The following ATP8B1 variants were observed in gnomAD, a reference collection of about 807,000 sequenced individuals.
The protein encoded by ATP8B1 is ATPase phospholipid transporting 8B1, also known as phospholipid-transporting ATPase IC.
In ATP8B1, 80 loss-of-function variants were observed where a neutral mutation model predicts 149.9. The ratio of observed to expected loss-of-function variants is 0.53; its 90% CI spans 0.45 to 0.64. ATP8B1 has a LOEUF of 0.64. ATP8B1 is among the 30% of genes least tolerant of loss of function. The pLI, the probability that ATP8B1 is intolerant of heterozygous loss-of-function variation, is 0.00. For synonymous variants in ATP8B1, 536 were observed against 562.8 expected, an observed-to-expected ratio of 0.95 and a Z score of 0.67; for missense variants, 1,247 against 1,552.6, an observed-to-expected ratio of 0.80 and a Z score of 3.31.
intron 1 of ATP8B1, among the ~76,000 whole-genome samples, chr18:57,789,920 T>A (rs2080445636): frequency 6.6e-6 from 1 of 152,158 alleles, no homozygotes; most frequent in Non-Finnish European, 1.5e-5. Context: ...AATCCTATGT[T>A]GCAATTCCCA....
chr18:57,668,337 T>C (rs1911010952), intron 19 of ATP8B1, 92 bp downstream of exon 19: 1 of 1,367,534 alleles, frequency 7.3e-7, no homozygotes, highest in African/African-American at 1.4e-5. Flanking sequence ...TTGTACAGGA[T>C]GAAAAGTCTG....
chr18:57,788,192 A>T (rs1339057967), intron 1 of ATP8B1, among the ~76,000 whole-genome samples: 1 of 152,222 alleles, frequency 6.6e-6, no homozygotes, highest in Non-Finnish European at 1.5e-5. Flanking sequence ...ATGAGATCAC[A>T]GAGAGGCATG....
intron 1 of ATP8B1, among the ~76,000 whole-genome samples, chr18:57,752,371 G>A (rs1413261082): frequency 6.6e-6 from 1 of 152,002 alleles, no homozygotes; most frequent in Admixed American, 6.6e-5. Context: ...CAGCTCTAAG[G>A]CCTGCTACCT....
chr18:57,713,188 TTTCTTTCTTTCCTTCC>T (rs1478217822), intron 2 of ATP8B1, among the ~76,000 whole-genome samples: 2,233 of 103,316 alleles, frequency 0.022, 39 homozygotes, highest in Non-Finnish European at 0.03. Context: ...TCTTTCTTTC[TTTCTTTCTTTCCTTCC>T]TTCCTTCCTT....
chr18:57,749,587 G>A (rs536664109), intron 1 of ATP8B1, among the ~76,000 whole-genome samples: 2 of 152,232 alleles, frequency 1.3e-5, no homozygotes, highest in African/African-American at 2.4e-5. Context: ...CCTGATTTAG[G>A]TGAAGACACC....
chr18:57,756,932 A>T (rs1314039180), intron 1 of ATP8B1, among the ~76,000 whole-genome samples: 1 of 152,130 alleles, frequency 6.6e-6, no homozygotes, highest in Non-Finnish European at 1.5e-5. Context: ...CACTTTTAAG[A>T]CATCGCAAAT....
Position 57,784,676 on chromosome 18 carries a change from G to T in ATP8B1, c.-26+18322C>A, listed in dbSNP as rs930742941. 6.8e-6 allele frequency among the ~76,000 whole-genome samples: 1 copy of T among 146,810 alleles called. No homozygotes were observed. Among genetic ancestry groups the T allele is most frequent in the African/African-American group, 2.7e-5 (1 of 36,364 alleles). On this transcript the variant is annotated intron_variant, in intron 1 of 27. Coordinates refer to ENST00000648908, the MANE Select transcript of ATP8B1 (RefSeq NM_001374385.1). This position sits in a 1 kb window ranked among gnomAD's most constrained non-coding sequence, Gnocchi z 4.4. ...GGCATGCAGGAGAGTATTATGAAAC[G>T]TGCAGGAGAGTATTATGAAACGTGC...
chr18:57,797,153 G>A (rs1295909230), intron 1 of ATP8B1, among the ~76,000 whole-genome samples: 1 of 152,228 alleles, frequency 6.6e-6, no homozygotes, highest in Non-Finnish European at 1.5e-5. Flanking sequence ...GTGAAGGACA[G>A]TATTTGGTGC....
In ATP8B1 at chr18:57,694,569, G is replaced by A; in HGVS notation, c.1029+13C>T. On this transcript the variant is annotated intron_variant, in intron 11 of 27. Coordinates refer to ENST00000648908, the MANE Select transcript of ATP8B1 (RefSeq NM_001374385.1). ...ATCTAGATGAGAGATCTACTGAGATGAAAAATAAATACCGTGTAAACCATG... is the reference window on the plus strand; with the variant it reads ...ATCTAGATGAGAGATCTACTGAGATAAAAAATAAATACCGTGTAAACCATG... The A allele has an allele frequency of 6.6e-7, 1 of 1,503,826 alleles. No homozygotes were observed. The highest frequency in any genetic ancestry group is 2.3e-5 in the East Asian group (1 of 44,250). The allele number at this position is 1,503,826 out of a possible 1,614,324, so 93.2% of individuals were successfully genotyped here.
chr18:57,758,727 G>A (rs946834112), intron 1 of ATP8B1, among the ~76,000 whole-genome samples: 1 of 150,154 alleles, frequency 6.7e-6, no homozygotes, highest in Non-Finnish European at 1.5e-5. Context: ...GAAAATATAT[G>A]TTCTTTTGCA....
At chr18:57,722,136 G>C (rs1195288128) in intron 2 of ATP8B1, among the ~76,000 whole-genome samples, 1 of 149,466 alleles carries the variant, frequency 6.7e-6, no homozygotes, top group Non-Finnish European at 1.5e-5. Flanking sequence ...ATGCCCACAA[G>C]AGAAAGCAGG....
At chr18:57,660,248 G>C (rs2122632273) in intron 22 of ATP8B1, among the ~76,000 whole-genome samples, 1 of 152,248 alleles carries the variant, frequency 6.6e-6, no homozygotes, top group African/African-American at 2.4e-5. Context: ...TAATTGTGTG[G>C]ACTTAAATTC....
chr18:57,655,556 C>A, intron 22 of ATP8B1, 139 bp from the exon 23 acceptor site: 1 of 787,486 alleles, frequency 1.3e-6, no homozygotes, highest in South Asian at 1.5e-5. Flanking sequence ...TCTTGCTCAC[C>A]ATCCCTCACC....
At chr18:57,656,953 G>A (rs905395976) in intron 22 of ATP8B1, among the ~76,000 whole-genome samples, 1 of 151,722 alleles carries the variant, frequency 6.6e-6, no homozygotes, top group Non-Finnish European at 1.5e-5. Flanking sequence ...GCTTCTTCTT[G>A]GACAACAGGA....
chr18:57,715,399 A>G (rs1305552022), intron 2 of ATP8B1, among the ~76,000 whole-genome samples: 2 of 152,120 alleles, frequency 1.3e-5, no homozygotes, highest in Non-Finnish European at 1.5e-5. Flanking sequence ...AGCAAATCTA[A>G]GAGTTATTGG....
chr18:57,673,006 T>A (rs1408762984), intron 16 of ATP8B1, among the ~76,000 whole-genome samples: 2 of 127,106 alleles, frequency 1.6e-5, no homozygotes, highest in African/African-American at 2.9e-5. Context: ...TATATATAAA[T>A]ATACATATAT....
At chr18:57,765,253 T>C (rs924927147) in intron 1 of ATP8B1, among the ~76,000 whole-genome samples, 3 of 151,826 alleles carry the variant, frequency 2.0e-5, no homozygotes, top group African/African-American at 4.8e-5. Flanking sequence ...TTGCCAAAGG[T>C]TGGGAGGAAG....
chr18:57,649,622 T>C (rs535667532), intron 27 of ATP8B1, among the ~76,000 whole-genome samples: 2 of 152,228 alleles, frequency 1.3e-5, no homozygotes, highest in Middle Eastern at 6.8e-3. Flanking sequence ...CAGCCACATT[T>C]CTCATGGGCG....
intron 20 of ATP8B1, among the ~76,000 whole-genome samples, chr18:57,665,431 C>T (rs1910786858): frequency 6.6e-6 from 1 of 151,932 alleles, no homozygotes; most frequent in Non-Finnish European, 1.5e-5. Flanking sequence ...AAAGAGAGAC[C>T]AGAAATTTTT....
Sources: allele counts gnomAD v4.1 joint callset (sites outside exome capture counted in the v4.1 genomes callset), GRCh38; gene constraint gnomAD v4.1.1; non-coding constraint Gnocchi (gnomAD v3.1); transcripts MANE v1.5; gene names NCBI Gene and HGNC (gene_info 2026-07-23, HGNC 2026-07-21).